TRIM59: variants seen among roughly 807,000 people sequenced by gnomAD.
TRIM59 encodes the protein tripartite motif-containing protein 59.
In TRIM59, 14 loss-of-function variants were observed where a neutral mutation model predicts 32.2. The observed-to-expected ratio is 0.43, with a 90% CI of 0.29 to 0.68. TRIM59 has a LOEUF of 0.68. Ranked by LOEUF, TRIM59 falls within the 30% of genes least tolerant of loss-of-function variation. The probability of loss-of-function intolerance (pLI) is 0.15; values close to 1 mark genes in which losing one functional copy is unlikely to be tolerated. For missense variants in TRIM59, 471 were observed against 463.3 expected, an observed-to-expected ratio of 1.02 and a Z score of -0.15; for synonymous variants, 163 against 155.1, an observed-to-expected ratio of 1.05 and a Z score of -0.38.
intron 2 of TRIM59, among the ~76,000 whole-genome samples, chr3:160,446,417 A>G (rs1028593066): frequency 5.9e-5 from 9 of 152,108 alleles, no homozygotes; most frequent in Admixed American, 5.9e-4. Context: ...GAGTACATTA[A>G]AAAAAACACT....
rs1719018022 is a variant in TRIM59 at position 160,437,150 on chromosome 3, G to C, written c.*822C>G. Reference sequence around the variant, plus strand: ...GCAGATCTCTTGAGCCCAGAAGTTTGAGACCAACCTGGGCAATATGGCAAA... The same window carrying C: ...GCAGATCTCTTGAGCCCAGAAGTTTCAGACCAACCTGGGCAATATGGCAAA... On this transcript the variant is annotated 3_prime_UTR_variant, in exon 3 of 3. Coordinates refer to ENST00000309784, the MANE Select transcript of TRIM59 (RefSeq NM_173084.3). 1.2e-6 allele frequency: 1 copy of C among 823,774 alleles called. No homozygotes were observed. Among genetic ancestry groups the C allele is most frequent in the African/African-American group, 1.9e-5 (1 of 53,864 alleles). The allele number at this position is 823,774 out of a possible 1,614,324, so 51.0% of individuals were successfully genotyped here. A position where few individuals can be genotyped will look rare whatever the true frequency, so the allele number is the denominator to read the frequency against.
intron 2 of TRIM59, among the ~76,000 whole-genome samples, chr3:160,445,355 G>A (rs1014932089): frequency 2.0e-5 from 3 of 152,112 alleles, no homozygotes; most frequent in Admixed American, 6.5e-5. Flanking sequence ...GGTCCAGGCT[G>A]CAATGAGCCA....
At position 160,439,107 on chromosome 3, in the gene TRIM59, G is replaced by C. The variant is rs561125636; in HGVS notation, c.77C>G (p.Ser26Cys). 2 of 1,534,542 alleles carry C rather than the reference G, an allele frequency of 1.3e-6. No homozygotes were observed. Among genetic ancestry groups the C allele is most frequent in the African/African-American group, 2.8e-5 (2 of 72,418 alleles). Reference protein sequence around the residue: ...IFEDPRVLPCSHTFCRNCLEN... With the variant: ...IFEDPRVLPCCHTFCRNCLEN... ...CAAACAATTTCTACAAAATGTATGA[G>C]AGCATGGCAGTACACGAGGATCTTC... is the stretch of plus-strand genomic sequence containing the variant. Residue 26 changes from serine to cysteine, a missense_variant, in exon 3 of 3, where the codon TCT becomes TGT. Ser to Cys is a moderately radical substitution (Grantham distance 112, BLOSUM62 -1). Coordinates refer to ENST00000309784, the MANE Select transcript of TRIM59 (RefSeq NM_173084.3).
intron 2 of TRIM59, chr3:160,447,704 A>G (rs1362621703): frequency 6.6e-6 from 1 of 152,214 alleles, no homozygotes; most frequent in Non-Finnish European, 1.5e-5. Context: ...ACATTTCACA[A>G]CCTCTGAAAG....
chr3:160,437,547 C>CT lies in TRIM59; in HGVS notation c.*424dup. The CT allele has an allele frequency of 1.0e-6, 1 of 986,082 alleles. No individual in the cohort carries two copies. Among genetic ancestry groups the CT allele is most frequent in the Non-Finnish European group, 1.2e-6 (1 of 830,458 alleles). The allele number at this position is 986,082 out of a possible 1,614,324, so 61.1% of individuals were successfully genotyped here. A position where few individuals can be genotyped will look rare whatever the true frequency, so the allele number is the denominator to read the frequency against. On this transcript the variant is annotated 3_prime_UTR_variant, in exon 3 of 3. Transcript: ENST00000309784. ...TTGATTTTGAAACCTTTCTATCATC[C>CT]TTATTCACCCATTCAAAAGCTTCAA... is the stretch of plus-strand genomic sequence containing the variant.
chr3:160,438,217 C>T lies in TRIM59; in HGVS notation c.967G>A (p.Glu323Lys). The T allele has an allele frequency of 6.2e-7, 1 of 1,613,118 alleles. No individual in the cohort carries two copies. The highest frequency in any genetic ancestry group is 8.5e-7 in the Non-Finnish European group (1 of 1,179,814). ...SCSWPGKDEK[E>K]VEFLKILNIV... ...TTTAAAATTTTTAAAAATTCAACTT[C>T]CTTTTCATCCTTACCAGGCCAGGAA... Residue 323 changes from glutamate (E) to lysine (K), a missense_variant, in exon 3 of 3, where the codon GAA becomes AAA. Coordinates refer to ENST00000309784, the MANE Select transcript of TRIM59 (RefSeq NM_173084.3).
chr3:160,449,383 G>C (rs761171007), intron 1 of TRIM59: 1 of 695,072 alleles, frequency 1.4e-6, no homozygotes, highest in South Asian at 2.2e-5. Context: ...CACTCTCCCA[G>C]GCCTCCCTCC....
intron 2 of TRIM59, among the ~76,000 whole-genome samples, chr3:160,440,796 A>G (rs1719200111): frequency 6.6e-6 from 1 of 152,148 alleles, no homozygotes. Context: ...GTGTAATCCC[A>G]GCTACTTGGG....
Position 160,438,035 on chromosome 3 carries a change from C to A in TRIM59, c.1149G>T (p.Lys383Asn). Residue 383 changes from lysine to asparagine, a missense_variant, in exon 3 of 3, where the codon AAG (lysine) becomes AAT (asparagine). Transcript: ENST00000309784. ...AATAGAAAATGTGACACAGTATATT[C>A]TTTACCTTATGCAGACTGTTAGATA... ...QSLSNSLHKV[K>N]NILCHIFYLL... is the part of the protein sequence containing the mutation. The A allele has an allele frequency of 6.3e-7, 1 of 1,590,376 alleles. No homozygotes were observed. The highest frequency in any genetic ancestry group is 1.2e-5 in the South Asian group (1 of 85,710).
rs976603036 is a variant in TRIM59, at chr3:160,437,135, T to G, written c.*837A>C. On this transcript the variant is annotated 3_prime_UTR_variant, in exon 3 of 3. Coordinates refer to ENST00000309784, the MANE Select transcript of TRIM59 (RefSeq NM_173084.3). ...GGGAGGCCAAGGTGGGCAGATCTCT[T>G]GAGCCCAGAAGTTTGAGACCAACCT... 3 of 910,698 alleles carry G rather than the reference T, an allele frequency of 3.3e-6. No homozygotes were observed. The highest frequency in any genetic ancestry group is 2.6e-6 in the Non-Finnish European group (2 of 762,032). The allele number at this position is 910,698 out of a possible 1,614,324, so 56.4% of individuals were successfully genotyped here.
chr3:160,445,873 G>A (rs1719505490), intron 2 of TRIM59, among the ~76,000 whole-genome samples: 2 of 152,002 alleles, frequency 1.3e-5, no homozygotes, highest in Non-Finnish European at 2.9e-5. Flanking sequence ...GAATGCAGTG[G>A]TGTGACCATG....
At chr3:160,449,431 C>T (rs1207147765) in intron 1 of TRIM59, 3 of 1,134,382 alleles carry the variant, frequency 2.6e-6, no homozygotes, top group Non-Finnish European at 3.3e-6. Context: ...CGTCCCCAAC[C>T]CCGCGGGACT....
Position 160,439,201 on chromosome 3 carries a change from ATG to A in TRIM59, c.-3-17_-3-16del. ...TTGTGCATTTCCTGTCAAGAGAAAA[ATG>A]TATTTTAAGTTTACATAGAGACACC... is the stretch of plus-strand genomic sequence containing the variant. On this transcript the variant is annotated splice_polypyrimidine_tract_variant and intron_variant, in intron 2 of 2. Coordinates refer to ENST00000309784, the MANE Select transcript of TRIM59 (RefSeq NM_173084.3). The A allele has an allele frequency of 2.0e-6, 3 of 1,486,156 alleles. No homozygotes were observed. Among genetic ancestry groups the A allele is most frequent in the Non-Finnish European group, 2.7e-6 (3 of 1,118,032 alleles). 92.1% of individuals were successfully genotyped at this position (1,486,156 alleles called of 1,614,324 possible). A position where few individuals can be genotyped will look rare whatever the true frequency, so the allele number is the denominator to read the frequency against.
Position 160,438,851 on chromosome 3 carries a change from T to C in TRIM59, c.333A>G (p.Leu111=), listed in dbSNP as rs1236320560. Residue 111 remains leucine (L), a synonymous_variant, in exon 3 of 3, where the codon TTA becomes TTG. Coordinates refer to ENST00000309784, the MANE Select transcript of TRIM59 (RefSeq NM_173084.3). ...YRQPLNVYCL[L]DKKLVCGHCL... ...AATGACCACAAACTAATTTTTTATC[T>C]AATAGACAGTAAACATTTAATGGTT... 7.4e-6 allele frequency: 12 copies of C among 1,613,948 alleles called. No homozygotes were observed. The highest frequency in any genetic ancestry group is 9.3e-6 in the Non-Finnish European group (11 of 1,179,978).
rs760402005 is a variant in TRIM59 at position 160,438,508 on chromosome 3, T to C, written c.676A>G (p.Lys226Glu). The C allele has an allele frequency of 6.2e-7, 1 of 1,612,410 alleles. No individual in the cohort carries two copies. Among genetic ancestry groups the C allele is most frequent in the East Asian group, 2.2e-5 (1 of 44,870 alleles). The change falls in exon 3 of 3, where the codon AAG becomes GAG. Residue 226 changes from lysine (K) to glutamate (E), a missense_variant. By Grantham distance (56) the Lys-to-Glu change is moderately conservative. Coordinates refer to ENST00000309784, the MANE Select transcript of TRIM59 (RefSeq NM_173084.3). ...QEYTPQIERMKEIREQQLELM... is the reference protein window; with the variant it reads ...QEYTPQIERMEEIREQQLELM... ...TCAAGCTGCTGCTCTCGTATTTCCTTCATTCTTTCAATTTGTGGAGTATAT... is the reference window on the plus strand; with the variant it reads ...TCAAGCTGCTGCTCTCGTATTTCCTCCATTCTTTCAATTTGTGGAGTATAT...
chr3:160,441,753 C>CA (rs538957200), intron 2 of TRIM59, among the ~76,000 whole-genome samples: 1,489 of 48,830 alleles, frequency 0.03, 27 homozygotes, highest in African/African-American at 0.056. Context: ...GACTCCATCT[C>CA]AAAAAAAAAA....
rs753140112 is a variant in TRIM59, at chr3:160,438,669, G to C, written c.515C>G (p.Ser172Cys). The C allele has an allele frequency of 1.9e-6, 3 of 1,613,250 alleles. No homozygotes were observed. The highest frequency in any genetic ancestry group is 2.5e-6 in the Non-Finnish European group (3 of 1,179,734). Residue 172 changes from serine (S) to cysteine (C), a missense_variant, in exon 3 of 3, where the codon TCT becomes TGT. Coordinates refer to ENST00000309784, the MANE Select transcript of TRIM59 (RefSeq NM_173084.3). ...HLIEKLKEQK[S>C]HSEKMIQGDK... Reference sequence around the variant, plus strand: ...GCCTTGGATCATTTTCTCAGAATGAGATTTTTGTTCTTTCAGCTTTTCAAT... The same window carrying C: ...GCCTTGGATCATTTTCTCAGAATGACATTTTTGTTCTTTCAGCTTTTCAAT...
In TRIM59 at chr3:160,435,523, A is replaced by G. The variant is rs140278536; in HGVS notation, c.*2449T>C. On this transcript the variant is annotated 3_prime_UTR_variant, in exon 3 of 3. Transcript: ENST00000309784. Reference sequence around the variant, plus strand: ...GCAAATAAAATATCAAAAGAAGTTTATTAAAATACATATTTTGTTATACAT... The same window carrying G: ...GCAAATAAAATATCAAAAGAAGTTTGTTAAAATACATATTTTGTTATACAT... The G allele has an allele frequency of 1.2e-5, 2 of 166,934 alleles. No individual in the cohort carries two copies. Among genetic ancestry groups the G allele is most frequent in the African/African-American group, 4.8e-5 (2 of 41,730 alleles). The allele number at this position is 166,934 out of a possible 1,614,324, so 10.3% of individuals were successfully genotyped here.
At position 160,436,797 on chromosome 3, in the gene TRIM59, C is replaced by CAGAA. The variant is rs1718987700; in HGVS notation, c.*1174_*1175insTTCT. ...TGGGCGACAGAGCAAGACTCCGTCT[C>CAGAA]AAAAAAAAAAAAAAAAAAAAAAAAA... On this transcript the variant is annotated 3_prime_UTR_variant, in exon 3 of 3. Transcript: ENST00000309784. 3.0e-6 allele frequency: 1 copy of CAGAA among 337,900 alleles called. No homozygotes were observed. The highest frequency in any genetic ancestry group is 3.2e-4 in the Admixed American group (1 of 3,174). 20.9% of individuals were successfully genotyped at this position (337,900 alleles called of 1,614,324 possible). A position where few individuals can be genotyped will look rare whatever the true frequency, so the allele number is the denominator to read the frequency against.
Sources: gnomAD v4.1 joint callset for allele counts (sites outside exome capture counted in the v4.1 genomes callset) on GRCh38, gnomAD v4.1.1 for gene constraint, MANE v1.5 for transcripts, NCBI Gene and HGNC (gene_info 2026-07-23, HGNC 2026-07-21) for gene names.